TPTE2: variants seen among roughly 807,000 people sequenced by gnomAD.
The protein encoded by TPTE2 is transmembrane phosphoinositide 3-phosphatase and tensin homolog 2.
A neutral mutation model predicts 78.6 loss-of-function variants in TPTE2; 53 were observed. That is an observed-to-expected ratio of 0.67 (90% CI 0.54 to 0.85). The LOEUF (loss-of-function observed/expected upper bound fraction) is 0.85, where lower values mean the gene tolerates loss of function less well. Ranked by LOEUF, TPTE2 falls within the 40% of genes least tolerant of loss-of-function variation. The probability of loss-of-function intolerance (pLI) is 0.00; values close to 1 mark genes in which losing one functional copy is unlikely to be tolerated. For synonymous variants in TPTE2, 175 were observed against 206.2 expected (o/e 0.85, Z 1.30); for missense variants, 461 against 623.0 (o/e 0.74, Z 2.77).
intron 7 of TPTE2, among the ~76,000 whole-genome samples, chr13:19,465,919 A>G (rs1402027919): frequency 1.3e-5 from 2 of 152,032 alleles, no homozygotes; most frequent in Admixed American, 1.3e-4. Context: ...GATACGATAG[A>G]CTCTTAGCAT....
chr13:19,557,277 C>T, the TPTE2 span, among the ~76,000 whole-genome samples: 2 of 152,172 alleles, frequency 1.3e-5, no homozygotes, highest in Non-Finnish European at 2.9e-5. Flanking sequence ...GGAAACCTGA[C>T]CAAAACTAGC....
At chr13:19,559,189 A>G in the TPTE2 span, among the ~76,000 whole-genome samples, 1 of 152,232 alleles carries the variant, frequency 6.6e-6, no homozygotes, top group South Asian at 2.1e-4. Flanking sequence ...TACTTGAAAA[A>G]ATAGAAATAA....
At chr13:19,555,548 C>A in the TPTE2 span, among the ~76,000 whole-genome samples, 1 of 152,266 alleles carries the variant, frequency 6.6e-6, no homozygotes, top group Admixed American at 6.5e-5. Flanking sequence ...CATATTCAAA[C>A]AGTACCTTCA....
At chr13:19,529,541 C>A (rs2137741352) in intron 1 of TPTE2, among the ~76,000 whole-genome samples, 1 of 152,288 alleles carries the variant, frequency 6.6e-6, no homozygotes, top group East Asian at 1.9e-4. Flanking sequence ...CCATCGAACT[C>A]AGAAACTTCA....
At chr13:19,508,024 A>C (rs1479232927), upstream of TPTE2, among the ~76,000 whole-genome samples, 1 of 152,090 alleles carries the variant, frequency 6.6e-6, no homozygotes, top group Non-Finnish European at 1.5e-5. Context: ...TCAGTGTTTC[A>C]TGGTTCCTGA....
At chr13:19,507,977 A>C (rs143115167), upstream of TPTE2, among the ~76,000 whole-genome samples, 1 of 152,158 alleles carries the variant, frequency 6.6e-6, no homozygotes, top group African/African-American at 2.4e-5. Context: ...ACCTTGTCTA[A>C]AGTTTTTCCT....
Position 19,443,784 on chromosome 13 carries a change from G to A in TPTE2, c.974-5631C>T, listed in dbSNP as rs185143746. Among the ~76,000 whole-genome samples, 53 of 127,650 alleles carry A rather than the reference G, an allele frequency of 4.2e-4. No homozygotes were observed. In the East Asian group the frequency reaches 9.7e-3, roughly 23 times the overall value. The allele number at this position is 127,650 out of a possible 152,430, so 83.7% of individuals were successfully genotyped here. On this transcript the variant is annotated intron_variant, in intron 13 of 19. Coordinates refer to ENST00000400230, the Ensembl canonical transcript of TPTE2. ...CACACACACACACACACACACAGTCGTTAAGCAATTGGAGAGATGTTGAAA... is the reference window on the plus strand; with the variant it reads ...CACACACACACACACACACACAGTCATTAAGCAATTGGAGAGATGTTGAAA...
Position 19,535,607 on chromosome 13 carries a change from TTTTCTTA to T in TPTE2, c.-44+982_-44+988del, listed in dbSNP as rs1197084199. Among the ~76,000 whole-genome samples the T allele has an allele frequency of 8.9e-5, 11 of 123,216 alleles. No homozygotes were observed. The highest frequency in any genetic ancestry group is 2.4e-4 in the African/African-American group (8 of 33,938). The allele number at this position is 123,216 out of a possible 152,430, so 80.8% of individuals were successfully genotyped here. A position where few individuals can be genotyped will look rare whatever the true frequency, so the allele number is the denominator to read the frequency against. On this transcript the variant is annotated intron_variant, in intron 1 of 17. Transcript: ENST00000390680. This position sits in a 1 kb window ranked among gnomAD's most constrained non-coding sequence, Gnocchi z 5.1. ...GTTCTAAGTAATACTATCTCCAGGA[TTTTCTTA>T]TTTATTTATTTATTTATTTATTTAT...
At chr13:19,550,336 T>A in the TPTE2 span, among the ~76,000 whole-genome samples, 1 of 152,220 alleles carries the variant, frequency 6.6e-6, no homozygotes, top group South Asian at 2.1e-4. Flanking sequence ...TTTGATGCTC[T>A]TAAGTGTTTC....
At chr13:19,517,234 G>A (rs1322416242) in intron 1 of TPTE2, among the ~76,000 whole-genome samples, 2 of 152,122 alleles carry the variant, frequency 1.3e-5, no homozygotes, top group African/African-American at 4.8e-5. Flanking sequence ...TCTCTAAGAG[G>A]GAGAAATTTA....
intron 1 of TPTE2, among the ~76,000 whole-genome samples, chr13:19,518,519 T>C (rs1869944664): frequency 6.6e-6 from 1 of 152,202 alleles, no homozygotes; most frequent in Admixed American, 6.5e-5. Flanking sequence ...TCATCATCAC[T>C]AGCTGTTAGA....
intron 1 of TPTE2, among the ~76,000 whole-genome samples, chr13:19,499,046 CAAAG>C (rs919680877): frequency 6.6e-6 from 1 of 151,892 alleles, no homozygotes; most frequent in Non-Finnish European, 1.5e-5. Flanking sequence ...TCAAAAGAGA[CAAAG>C]AAGGCCATTA....
At chr13:19,473,128 C>A (rs550976482) in intron 6 of TPTE2, among the ~76,000 whole-genome samples, 1 of 152,188 alleles carries the variant, frequency 6.6e-6, no homozygotes, top group African/African-American at 2.4e-5. Context: ...CTGTGGCCAC[C>A]AATACTGTGA....
chr13:19,551,949 T>C, the TPTE2 span, among the ~76,000 whole-genome samples: 378 of 152,298 alleles, frequency 2.5e-3, 7 homozygotes, highest in East Asian at 0.048. Context: ...CTGATGACAA[T>C]ATGGATATCA....
chr13:19,471,534 A>C (rs990997672), intron 6 of TPTE2, among the ~76,000 whole-genome samples: 10 of 152,210 alleles, frequency 6.6e-5, no homozygotes, highest in African/African-American at 2.4e-4. Flanking sequence ...ATAAACAAAC[A>C]AGTAAAAAGG....
the TPTE2 span, among the ~76,000 whole-genome samples, chr13:19,558,270 C>A: frequency 2.6e-5 from 4 of 152,144 alleles, no homozygotes; most frequent in African/African-American, 9.7e-5. Flanking sequence ...TGATTCATCT[C>A]CCTACCCTAA....
chr13:19,538,815 C>A (rs1449782465), upstream of TPTE2, among the ~76,000 whole-genome samples: 2 of 152,228 alleles, frequency 1.3e-5, no homozygotes, highest in South Asian at 2.1e-4. Flanking sequence ...ATGCACCCAG[C>A]CTGCTTCAAA....
intron 1 of TPTE2, among the ~76,000 whole-genome samples, chr13:19,524,865 C>T (rs563507650): frequency 6.6e-6 from 1 of 152,208 alleles, no homozygotes; most frequent in African/African-American, 2.4e-5. Context: ...AGCAGAGGGA[C>T]TTCAGGGGAA....
chr13:19,541,478 T>C (rs1420490961), upstream of TPTE2, among the ~76,000 whole-genome samples: 1 of 152,196 alleles, frequency 6.6e-6, no homozygotes, highest in Non-Finnish European at 1.5e-5. Context: ...AGGCCCCCAG[T>C]ACAATGCTGA....
Sources: gnomAD v4.1 joint callset for allele counts (sites outside exome capture counted in the v4.1 genomes callset) on GRCh38, gnomAD v4.1.1 for gene constraint, Gnocchi (gnomAD v3.1) non-coding constraint, MANE v1.5 for transcripts, NCBI Gene and HGNC (gene_info 2026-07-23, HGNC 2026-07-21) for gene names.